HPCAL1: variants seen among roughly 807,000 people sequenced by gnomAD.
HPCAL1 encodes the protein hippocalcin like 1, also known as hippocalcin-like protein 1.
In HPCAL1, 8 loss-of-function variants were observed where a neutral mutation model predicts 17.1. That is an observed-to-expected ratio of 0.47 (90% confidence interval 0.27 to 0.84). The LOEUF (loss-of-function observed/expected upper bound fraction) is 0.84, where lower values mean the gene tolerates loss of function less well. Ranked by LOEUF, HPCAL1 falls within the 40% of genes least tolerant of loss-of-function variation. HPCAL1 has a pLI of 0.13. For missense variants in HPCAL1, 165 were observed against 271.1 expected (o/e 0.61, Z 2.75); for synonymous variants, 112 against 111.4 (o/e 1.01, Z -0.03).
chr2:10,357,662 C>G (rs1666248067), intron 1 of HPCAL1, among the ~76,000 whole-genome samples: 1 of 152,210 alleles, frequency 6.6e-6, no homozygotes, highest in African/African-American at 2.4e-5. Flanking sequence ...TCACGACCTC[C>G]CTCCCCATGA....
In HPCAL1 at chr2:10,426,866, G is replaced by A. The variant is rs750011991; in HGVS notation, c.*45G>A. 1.2e-5 allele frequency: 19 copies of A among 1,528,352 alleles called. No individual in the cohort carries two copies. In the South Asian group the frequency reaches 1.9e-4, roughly 15 times the overall value. 94.7% of individuals were successfully genotyped at this position (1,528,352 alleles called of 1,614,324 possible). A position where few individuals can be genotyped will look rare whatever the true frequency, so the allele number is the denominator to read the frequency against. On this transcript the variant is annotated 3_prime_UTR_variant, in exon 5 of 5. Coordinates refer to ENST00000307845, the MANE Select transcript of HPCAL1 (RefSeq NM_002149.4). ...TTGCAGAGAAACACAGGCTTGTCGT[G>A]CCGTTTAAGCTTTGCTTGCAAGAGT...
At chr2:10,388,066 C>T (rs1260604936) in intron 1 of HPCAL1, among the ~76,000 whole-genome samples, 1 of 152,128 alleles carries the variant, frequency 6.6e-6, no homozygotes, top group East Asian at 1.9e-4. Context: ...CAATTGGAGG[C>T]TTCTGGACTA....
intron 1 of HPCAL1, among the ~76,000 whole-genome samples, chr2:10,385,097 C>CAA (rs34671924): frequency 2.8e-5 from 4 of 140,762 alleles, no homozygotes; most frequent in Non-Finnish European, 4.7e-5. Context: ...GACTCCGTCT[C>CAA]AAAAAAAAAA....
chr2:10,364,246 C>T (rs1666706509), intron 1 of HPCAL1, among the ~76,000 whole-genome samples: 1 of 152,224 alleles, frequency 6.6e-6, no homozygotes, highest in Admixed American at 6.5e-5. Flanking sequence ...CCCAGAGCCC[C>T]CACTTCTGCC....
At chr2:10,313,914 C>T (rs184506645) in intron 1 of HPCAL1, among the ~76,000 whole-genome samples, 1 of 152,190 alleles carries the variant, frequency 6.6e-6, no homozygotes, top group Non-Finnish European at 1.5e-5. Context: ...GGGCAAATTA[C>T]GAAGTCAGGA....
intron 1 of HPCAL1, among the ~76,000 whole-genome samples, chr2:10,308,796 G>GCGC (rs1662779960): frequency 6.6e-6 from 1 of 152,190 alleles, no homozygotes; most frequent in Admixed American, 6.5e-5. Flanking sequence ...CGCATGTATT[G>GCGC]ATGTGTCAGG....
At chr2:10,318,154 G>C (rs1298414877) in intron 1 of HPCAL1, among the ~76,000 whole-genome samples, 2 of 152,052 alleles carry the variant, frequency 1.3e-5, no homozygotes, top group East Asian at 3.9e-4. Context: ...GCTGTAAAAA[G>C]CTCTTTACAC....
At chr2:10,372,893 G>GC (rs1162926171) in intron 1 of HPCAL1, among the ~76,000 whole-genome samples, 1 of 152,204 alleles carries the variant, frequency 6.6e-6, no homozygotes, top group East Asian at 1.9e-4. Flanking sequence ...CGGGACTGTG[G>GC]CCCCCCTCCT....
rs1228126001 is a variant in HPCAL1 at position 10,342,510 on chromosome 2, A to C, written c.-111+39333A>C. Among the ~76,000 whole-genome samples the C allele has an allele frequency of 9.0e-6, 1 of 111,518 alleles. No individual in the cohort carries two copies. Among genetic ancestry groups the C allele is most frequent in the Admixed American group, 8.8e-5 (1 of 11,306 alleles). The allele number at this position is 111,518 out of a possible 152,430, so 73.2% of individuals were successfully genotyped here. A position where few individuals can be genotyped will look rare whatever the true frequency, so the allele number is the denominator to read the frequency against. On this transcript the variant is annotated intron_variant, in intron 1 of 4. Transcript: ENST00000307845. The surrounding 1 kb of genome is among the most constrained non-coding windows in gnomAD (Gnocchi z 4.1). ...AGGACTGATCAGCCCAGCCTGGGGG[A>C]GGGTGGGAGGGGACTCCCAGGGAGC...
intron 1 of HPCAL1, among the ~76,000 whole-genome samples, chr2:10,391,681 C>G (rs758633114): frequency 4.6e-5 from 7 of 152,192 alleles, no homozygotes; most frequent in Non-Finnish European, 1.0e-4. Context: ...CTGTTCTGGA[C>G]ATTTTATATA....
chr2:10,399,591 GCCA>G (rs914368591), intron 2 of HPCAL1, among the ~76,000 whole-genome samples: 14 of 97,612 alleles, frequency 1.4e-4, no homozygotes, highest in Non-Finnish European at 2.5e-4. Flanking sequence ...CACCGCCACC[GCCA>G]CCACCACCAC....
chr2:10,369,445 T>C (rs1422823200), intron 1 of HPCAL1, among the ~76,000 whole-genome samples: 1 of 152,174 alleles, frequency 6.6e-6, no homozygotes, highest in East Asian at 1.9e-4. Flanking sequence ...TGCCTCTGAG[T>C]CCATAGTACT....
intron 1 of HPCAL1, among the ~76,000 whole-genome samples, chr2:10,332,186 G>A (rs574053626): frequency 1.1e-4 from 16 of 152,272 alleles, no homozygotes; most frequent in African/African-American, 3.6e-4. Flanking sequence ...GAAGTACCTC[G>A]ACCTGGCTGA....
chr2:10,317,641 C>T (rs1663406009), intron 1 of HPCAL1, among the ~76,000 whole-genome samples: 1 of 152,220 alleles, frequency 6.6e-6, no homozygotes. Context: ...TAGTCTCAAA[C>T]TCCTGACCTC....
intron 2 of HPCAL1, among the ~76,000 whole-genome samples, chr2:10,415,876 C>T (rs1329293696): frequency 6.6e-6 from 1 of 152,224 alleles, no homozygotes; most frequent in Non-Finnish European, 1.5e-5. Context: ...ATGTGAACAC[C>T]TAGCGAGCTC....
chr2:10,412,013 G>GTTGGT (rs1670392193), intron 2 of HPCAL1, among the ~76,000 whole-genome samples: 1 of 152,210 alleles, frequency 6.6e-6, no homozygotes, highest in Non-Finnish European at 1.5e-5. Context: ...CTGAGTCGCA[G>GTTGGT]TACAGGGTTC....
intron 1 of HPCAL1, among the ~76,000 whole-genome samples, chr2:10,388,193 C>A (rs1047775878): frequency 6.6e-6 from 1 of 152,278 alleles, no homozygotes; most frequent in Non-Finnish European, 1.5e-5. Flanking sequence ...GGATTGGGAG[C>A]GGATTTATTG....
intron 1 of HPCAL1, among the ~76,000 whole-genome samples, chr2:10,337,811 TCA>T (rs1352955766): frequency 1.3e-5 from 2 of 152,202 alleles, no homozygotes; most frequent in Non-Finnish European, 1.5e-5. Context: ...GGCTGGTTTC[TCA>T]GTCCCCCAGG....
Position 10,365,601 on chromosome 2 carries a change from C to T in HPCAL1, c.-110-31234C>T, listed in dbSNP as rs1666798973. 6.6e-6 allele frequency among the ~76,000 whole-genome samples: 1 copy of T among 152,076 alleles called. No homozygotes were observed. The highest frequency in any genetic ancestry group is 1.5e-5 in the Non-Finnish European group (1 of 68,002). Reference sequence around the variant, plus strand: ...AGCCCTGGCGTTATGATGTCCCGCCCAACCCCCGACCGCACACCTCCCTCC... The same window carrying T: ...AGCCCTGGCGTTATGATGTCCCGCCTAACCCCCGACCGCACACCTCCCTCC... On this transcript the variant is annotated intron_variant, in intron 1 of 4. Coordinates refer to ENST00000307845, the MANE Select transcript of HPCAL1 (RefSeq NM_002149.4). This position sits in a 1 kb window ranked among gnomAD's most constrained non-coding sequence, Gnocchi z 4.8.
Sources: allele counts gnomAD v4.1 joint callset (sites outside exome capture counted in the v4.1 genomes callset), GRCh38; gene constraint gnomAD v4.1.1; non-coding constraint Gnocchi (gnomAD v3.1); transcripts MANE v1.5; gene names NCBI Gene and HGNC (gene_info 2026-07-23, HGNC 2026-07-21).